Variants in AMPH observed in about 807,000 individuals in gnomAD.
AMPH encodes the protein amphiphysin (Stiff-Mann syndrome with breast cancer 128kD autoantigen).
A neutral mutation model predicts 99.1 loss-of-function variants in AMPH; 49 were observed. The ratio of observed to expected loss-of-function variants is 0.49; its 90% confidence interval spans 0.39 to 0.63. The LOEUF is 0.63. Ranked by LOEUF, AMPH falls within the 20% of genes least tolerant of loss-of-function variation. The probability of loss-of-function intolerance (pLI) is 0.00; values close to 1 mark genes in which losing one functional copy is unlikely to be tolerated. For synonymous variants in AMPH, 314 were observed against 317.3 expected (o/e 0.99, Z 0.11); for missense variants, 759 against 863.4 (o/e 0.88, Z 1.52).
rs535886319 is a variant in AMPH, at chr7:38,466,111, C to T, written c.666+62G>A. 2.6e-5 allele frequency: 35 copies of T among 1,327,116 alleles called. No homozygotes were observed. The African/African-American group carries it at 3.6e-4, about 14-fold the overall frequency. 82.2% of individuals were successfully genotyped at this position (1,327,116 alleles called of 1,614,324 possible). A position where few individuals can be genotyped will look rare whatever the true frequency, so the allele number is the denominator to read the frequency against. On this transcript the variant is annotated intron_variant, in intron 8 of 20. Coordinates refer to ENST00000356264, the MANE Select transcript of AMPH (RefSeq NM_001635.4). The stretch of plus-strand genomic sequence containing the variant: ...GGATAATTCTATCCCATTTCATTTG[C>T]TTCCAAAATAAACCTTCCTTTACTT...
intron 2 of AMPH, among the ~76,000 whole-genome samples, chr7:38,505,568 T>C (rs976078474): frequency 6.6e-6 from 1 of 152,140 alleles, no homozygotes; most frequent in African/African-American, 2.4e-5. Flanking sequence ...TGCAGAAAGT[T>C]TGTGTGATGG....
intron 2 of AMPH, among the ~76,000 whole-genome samples, chr7:38,513,658 G>A (rs1352714966): frequency 2.0e-5 from 3 of 152,244 alleles, no homozygotes; most frequent in East Asian, 3.9e-4. Context: ...TCTCTAAATT[G>A]TTCATTTCTT....
At chr7:38,441,010 T>C (rs528201221) in intron 11 of AMPH, among the ~76,000 whole-genome samples, 10 of 152,102 alleles carry the variant, frequency 6.6e-5, no homozygotes, top group African/African-American at 1.9e-4. Context: ...CCCAACTAGA[T>C]ACTGTCTATA....
At chr7:38,429,500 A>G (rs1418104842) in intron 14 of AMPH, 1 of 1,344,742 alleles carries the variant, frequency 7.4e-7, no homozygotes, top group Non-Finnish European at 9.8e-7. Context: ...GAGATCTTTG[A>G]ATTTCTTCGG....
intron 2 of AMPH, among the ~76,000 whole-genome samples, chr7:38,508,752 A>G (rs958905606): frequency 1.3e-5 from 2 of 152,230 alleles, no homozygotes; most frequent in Non-Finnish European, 1.5e-5. Context: ...CTGAAGTAAC[A>G]TATCAAAATT....
chr7:38,451,369 TGTGTATATACAC>T (rs1787019861), intron 11 of AMPH, among the ~76,000 whole-genome samples: 1 of 148,998 alleles, frequency 6.7e-6, no homozygotes, highest in African/African-American at 2.5e-5. Context: ...CGTATATATA[TGTGTATATACAC>T]ATGTATATAT....
In AMPH at chr7:38,394,104, T is replaced by C; in HGVS notation, c.1509A>G (p.Glu503=). ...EAEKATVPAG[E]GVSLEEAKIG... ...TTTTGGCCTCCTCTAAACTTACTCC[T>C]TCCCCGGCAGGGACAGTGGCCTTCT... is the stretch of plus-strand genomic sequence containing the variant. The change falls in exon 18 of 21, where the codon GAA becomes GAG. Residue 503 remains glutamate, a synonymous_variant. Transcript: ENST00000356264. 6.2e-7 allele frequency: 1 copy of C among 1,614,158 alleles called. No homozygotes were observed. The highest frequency in any genetic ancestry group is 1.1e-5 in the South Asian group (1 of 91,076).
chr7:38,508,348 G>A (rs755842076), intron 2 of AMPH, among the ~76,000 whole-genome samples: 1 of 152,170 alleles, frequency 6.6e-6, no homozygotes, highest in Non-Finnish European at 1.5e-5. Flanking sequence ...AAAGCAATAG[G>A]AGTTTAATAC....
rs570117676 is a variant in AMPH, at chr7:38,591,578, C to T, written c.69+39705G>A. 2.3e-3 allele frequency among the ~76,000 whole-genome samples: 354 copies of T among 152,286 alleles called. 2 individuals carry two copies. Among genetic ancestry groups the T allele is most frequent in the African/African-American group, 7.6e-3 (314 of 41,558 alleles). On this transcript the variant is annotated intron_variant, in intron 1 of 20. Coordinates refer to ENST00000356264, the MANE Select transcript of AMPH (RefSeq NM_001635.4). ...CTAAGATTACAGGCATAAGCCACCACGCCTGGCCCCAAATGGCTCCTTTCT... is the reference window on the plus strand; with the variant it reads ...CTAAGATTACAGGCATAAGCCACCATGCCTGGCCCCAAATGGCTCCTTTCT...
At chr7:38,414,704 G>A (rs962144993) in intron 17 of AMPH, among the ~76,000 whole-genome samples, 9 of 151,278 alleles carry the variant, frequency 5.9e-5, no homozygotes, top group African/African-American at 1.9e-4. Flanking sequence ...TCACTCTGTC[G>A]CCCTGGTTGG....
chr7:38,619,558 C>G (rs188899097), intron 1 of AMPH, among the ~76,000 whole-genome samples: 8 of 152,260 alleles, frequency 5.3e-5, no homozygotes, highest in African/African-American at 1.7e-4. Context: ...ACACTCTACC[C>G]AACAACAGCA....
At chr7:38,391,391 G>T (rs556369334) in intron 19 of AMPH, among the ~76,000 whole-genome samples, 3 of 152,286 alleles carry the variant, frequency 2.0e-5, no homozygotes, top group Admixed American at 1.3e-4. Flanking sequence ...GACCCCCAGG[G>T]GATATAGCCG....
rs776281084 is a variant in AMPH at position 38,436,307 on chromosome 7, C to T, written c.1099G>A (p.Gly367Ser). ...GGTGAGTGGGTCACTCCAGCAGAAC[C>T]TGCAGGTGTCACCTCGGGCTTGAAA... ...DPFKPEVTPA[G>S]SAGVTHSPMS... is the part of the protein sequence containing the mutation. The change falls in exon 12 of 21, where the codon GGT becomes AGT. Residue 367 changes from glycine to serine, a missense_variant. This residue lies in a region of AMPH where 554 missense variants were observed against 575.6 expected (regional missense o/e 0.96). Coordinates refer to ENST00000356264, the MANE Select transcript of AMPH (RefSeq NM_001635.4). The T allele has an allele frequency of 6.2e-7, 1 of 1,614,188 alleles. No homozygotes were observed. The highest frequency in any genetic ancestry group is 1.7e-5 in the Admixed American group (1 of 60,026).
intron 1 of AMPH, among the ~76,000 whole-genome samples, chr7:38,580,895 A>C (rs768937269): frequency 5.3e-5 from 8 of 152,148 alleles, no homozygotes; most frequent in Non-Finnish European, 8.8e-5. Context: ...ATTACAAAAG[A>C]CTTTTTTCAA....
At chr7:38,512,904 G>A (rs1340656575) in intron 2 of AMPH, among the ~76,000 whole-genome samples, 4 of 152,226 alleles carry the variant, frequency 2.6e-5, no homozygotes, top group Non-Finnish European at 5.9e-5. Flanking sequence ...ACCATGGACA[G>A]CAACACCCTA....
chr7:38,459,558 C>T (rs1235961320), intron 11 of AMPH, among the ~76,000 whole-genome samples: 1 of 152,028 alleles, frequency 6.6e-6, no homozygotes, highest in African/African-American at 2.4e-5. Context: ...TGACAGCCAA[C>T]TCATTTTCAG....
At chr7:38,429,557 A>G in intron 14 of AMPH, 2 of 1,428,168 alleles carry the variant, frequency 1.4e-6, no homozygotes, top group South Asian at 1.2e-5. Flanking sequence ...TACACAAGGA[A>G]AGACTTTCTG....
At chr7:38,417,113 G>A (rs899097173) in intron 17 of AMPH, among the ~76,000 whole-genome samples, 2 of 152,048 alleles carry the variant, frequency 1.3e-5, no homozygotes, top group Admixed American at 6.5e-5. Context: ...CTTTTCACTC[G>A]CCATGGGTAT....
intron 1 of AMPH, among the ~76,000 whole-genome samples, chr7:38,576,180 T>G (rs1435309295): frequency 6.6e-6 from 1 of 152,228 alleles, no homozygotes; most frequent in Non-Finnish European, 1.5e-5. Context: ...TAACCATCAT[T>G]GCTGGAGAAT....
Sources: gnomAD v4.1 joint callset for allele counts (sites outside exome capture counted in the v4.1 genomes callset) on GRCh38, gnomAD v4.1.1 for gene constraint, gnomAD v4.1.1 regional missense constraint, MANE v1.5 for transcripts, NCBI Gene and HGNC (gene_info 2026-07-23, HGNC 2026-07-21) for gene names.